The following DOCK1 variants were observed in gnomAD, a reference collection of about 807,000 sequenced individuals.
DOCK1 encodes dedicator of cytokinesis 1.
In DOCK1, 138 loss-of-function variants were observed where a neutral mutation model predicts 262.7. That is an observed-to-expected ratio of 0.53 (90% CI 0.46 to 0.61). The LOEUF (loss-of-function observed/expected upper bound fraction) is 0.61, where lower values mean the gene tolerates loss of function less well. DOCK1 is among the 20% of genes least tolerant of loss of function. The pLI, the probability that DOCK1 is intolerant of heterozygous loss-of-function variation, is 0.00. For missense variants in DOCK1, 1,908 were observed against 2,370.7 expected, an observed-to-expected ratio of 0.80 and a Z score of 4.05; for synonymous variants, 866 against 867.4, an observed-to-expected ratio of 1.00 and a Z score of 0.03.
chr10:127,124,945 C>T (rs1344837089), intron 25 of DOCK1, among the ~76,000 whole-genome samples: 1 of 151,832 alleles, frequency 6.6e-6, no homozygotes, highest in Non-Finnish European at 1.5e-5. Flanking sequence ...AACCCCATGT[C>T]TACTAAAAAT....
intron 1 of DOCK1, among the ~76,000 whole-genome samples, chr10:126,918,366 C>T (rs769018798): frequency 4.2e-4 from 64 of 152,242 alleles, no homozygotes; most frequent in Non-Finnish European, 7.8e-4. Flanking sequence ...TGGTGCGTGG[C>T]GGTAGCCGCC....
intron 27 of DOCK1, among the ~76,000 whole-genome samples, chr10:127,236,207 GTTT>G (rs1010925851): frequency 9.2e-5 from 14 of 152,036 alleles, no homozygotes; most frequent in African/African-American, 3.4e-4. Context: ...GGTCACAAAA[GTTT>G]TCTATGTTTT....
At chr10:127,233,010 G>A (rs1022406550) in intron 27 of DOCK1, among the ~76,000 whole-genome samples, 10 of 152,170 alleles carry the variant, frequency 6.6e-5, no homozygotes, top group Admixed American at 2.6e-4. Flanking sequence ...CTGGTGATTA[G>A]AGTTTTTGGT....
In DOCK1 at chr10:127,106,290, C is replaced by T. The variant is rs780293035; in HGVS notation, c.2505C>T (p.Pro835=). The T allele has an allele frequency of 1.3e-6, 2 of 1,596,612 alleles. No individual in the cohort carries two copies. Among genetic ancestry groups the T allele is most frequent in the Admixed American group, 1.7e-5 (1 of 57,816 alleles). Residue 835 remains proline (P), a synonymous_variant, in exon 24 of 52, where the codon CCC becomes CCT. Transcript: ENST00000623213. ...ACGATGTGAAATTGGTGTTTGATCC[C>T]AAAGAGCTCAGGTAAGTATGCAGCC... ...IVNDVKLVFD[P]KELSKMFTEF...
intron 1 of DOCK1, among the ~76,000 whole-genome samples, chr10:126,921,608 A>C (rs945324578): frequency 6.6e-6 from 1 of 151,956 alleles, no homozygotes; most frequent in African/African-American, 2.4e-5. Context: ...TTGCATTACT[A>C]TAAAGGAATA....
intron 1 of DOCK1, among the ~76,000 whole-genome samples, chr10:126,934,852 C>G (rs1001080709): frequency 6.8e-6 from 1 of 148,132 alleles, no homozygotes; most frequent in Admixed American, 6.9e-5. Flanking sequence ...TGCGGTGGCT[C>G]ACGCCTGTAA....
chr10:127,029,252 C>A (rs2043082951), intron 16 of DOCK1, among the ~76,000 whole-genome samples: 1 of 152,190 alleles, frequency 6.6e-6, no homozygotes, highest in Admixed American at 6.5e-5. Flanking sequence ...CGGCCGCTGA[C>A]CATGGCCTTC....
intron 27 of DOCK1, among the ~76,000 whole-genome samples, chr10:127,222,035 A>C (rs928126971): frequency 6.7e-6 from 1 of 149,546 alleles, no homozygotes; most frequent in Admixed American, 6.7e-5. Flanking sequence ...AAGTAATATT[A>C]TGGCAGGGTG....
intron 40 of DOCK1, among the ~76,000 whole-genome samples, chr10:127,407,665 G>A (rs1352837296): frequency 2.6e-5 from 4 of 152,134 alleles, no homozygotes; most frequent in African/African-American, 9.7e-5. Context: ...CTCTCTGTCT[G>A]TCTCTGTCTC....
chr10:127,430,105 C>T (rs1033656226), intron 47 of DOCK1, among the ~76,000 whole-genome samples: 1 of 152,160 alleles, frequency 6.6e-6, no homozygotes, highest in Admixed American at 6.5e-5. Flanking sequence ...CACCCAGACC[C>T]GGGAGAGAAC....
chr10:127,346,615 GA>G (rs201738780), intron 31 of DOCK1, among the ~76,000 whole-genome samples: 2 of 150,480 alleles, frequency 1.3e-5, no homozygotes, highest in Non-Finnish European at 3.0e-5. Context: ...AAAACGAAAA[GA>G]AAAAAAAACA....
chr10:127,076,481 A>T (rs900426515), intron 23 of DOCK1, among the ~76,000 whole-genome samples: 1 of 152,230 alleles, frequency 6.6e-6, no homozygotes, highest in African/African-American at 2.4e-5. Context: ...AGCCTGGATG[A>T]CAGAGCAAGA....
At chr10:127,280,914 C>A (rs941970701) in intron 29 of DOCK1, among the ~76,000 whole-genome samples, 14 of 152,140 alleles carry the variant, frequency 9.2e-5, no homozygotes, top group Non-Finnish European at 1.9e-4. Flanking sequence ...AAGATCACGT[C>A]AGCCCATGGT....
At chr10:127,089,225 G>C (rs2136080583) in intron 23 of DOCK1, among the ~76,000 whole-genome samples, 1 of 152,206 alleles carries the variant, frequency 6.6e-6, no homozygotes, top group South Asian at 2.1e-4. Flanking sequence ...GCTCCTGTTG[G>C]CCTTCTTGTC....
intron 29 of DOCK1, among the ~76,000 whole-genome samples, chr10:127,282,050 T>A (rs2060980011): frequency 6.6e-6 from 1 of 152,178 alleles, no homozygotes; most frequent in Admixed American, 6.5e-5. Context: ...AATCTCATGT[T>A]TTAAGAGTTT....
rs931931259 is a variant in DOCK1, at chr10:127,072,520, G to T, written c.2445+10744G>T. 3.3e-5 allele frequency among the ~76,000 whole-genome samples: 5 copies of T among 152,156 alleles called. No individual in the cohort carries two copies. In the South Asian group the frequency reaches 1.0e-3, roughly 32 times the overall value. ...AAAGGTCAGGGTGACAAGGTATATCGGGGCATTGGAAGTAGTTTAGGGGTT... is the reference window on the plus strand; with the variant it reads ...AAAGGTCAGGGTGACAAGGTATATCTGGGCATTGGAAGTAGTTTAGGGGTT... On this transcript the variant is annotated intron_variant, in intron 23 of 51. Transcript: ENST00000623213.
intron 29 of DOCK1, among the ~76,000 whole-genome samples, chr10:127,269,486 C>A (rs1359670634): frequency 6.6e-6 from 1 of 152,140 alleles, no homozygotes; most frequent in Non-Finnish European, 1.5e-5. Context: ...TGCGGTTTCC[C>A]TTGATTTATA....
At chr10:127,394,957 G>A (rs890770643) in intron 38 of DOCK1, among the ~76,000 whole-genome samples, 2 of 152,180 alleles carry the variant, frequency 1.3e-5, no homozygotes, top group Non-Finnish European at 1.5e-5. Context: ...GCCTTCTTTT[G>A]GAGAGCTAGA....
At chr10:126,942,294 A>G (rs2035076135) in intron 1 of DOCK1, among the ~76,000 whole-genome samples, 2 of 152,148 alleles carry the variant, frequency 1.3e-5, no homozygotes, top group Non-Finnish European at 2.9e-5. Flanking sequence ...AAGTGCTGGG[A>G]TTATAGGTGT....
Sources: allele counts gnomAD v4.1 joint callset (sites outside exome capture counted in the v4.1 genomes callset), GRCh38; gene constraint gnomAD v4.1.1; transcripts MANE v1.5; gene names NCBI Gene and HGNC (gene_info 2026-07-23, HGNC 2026-07-21).